The following HHLA1 variants were observed in gnomAD, a reference collection of about 807,000 sequenced individuals.
HHLA1 encodes the protein HERV-H LTR-associating protein 1.
A neutral mutation model predicts 69.9 loss-of-function variants in HHLA1; 72 were observed. The observed-to-expected ratio is 1.03, with a 90% CI of 0.85 to 1.25. The LOEUF (loss-of-function observed/expected upper bound fraction) is 1.25. HHLA1 is among the 50% of genes most tolerant of loss of function. HHLA1 has a pLI of 0.00. For missense variants in HHLA1, 685 were observed against 642.2 expected (o/e 1.07, Z -0.72); for synonymous variants, 252 against 233.2 (o/e 1.08, Z -0.73).
At chr8:132,105,982 G>T (rs975617452) in intron 1 of HHLA1, among the ~76,000 whole-genome samples, 3 of 152,182 alleles carry the variant, frequency 2.0e-5, no homozygotes, top group African/African-American at 7.2e-5. Context: ...GATAGTTACA[G>T]TTGCAAAGCT....
chr8:132,106,524 A>T (rs1157034117), intron 1 of HHLA1, among the ~76,000 whole-genome samples: 1 of 152,226 alleles, frequency 6.6e-6, no homozygotes, highest in Non-Finnish European at 1.5e-5. Context: ...CCTCATCTGC[A>T]AAACAGTTAA....
intron 14 of HHLA1, among the ~76,000 whole-genome samples, chr8:132,074,552 A>T (rs961089891): frequency 6.6e-6 from 1 of 152,208 alleles, no homozygotes; most frequent in African/African-American, 2.4e-5. Flanking sequence ...GAGCCCAATA[A>T]ATATTTATTA....
At chr8:132,090,369 G>A (rs1368644950) in intron 7 of HHLA1, among the ~76,000 whole-genome samples, 1 of 152,166 alleles carries the variant, frequency 6.6e-6, no homozygotes, top group Non-Finnish European at 1.5e-5. Flanking sequence ...TTCTAAACAA[G>A]GCGAATGTGT....
chr8:132,094,989 A>G (rs1024531476), intron 7 of HHLA1, among the ~76,000 whole-genome samples: 3 of 152,184 alleles, frequency 2.0e-5, no homozygotes, highest in African/African-American at 7.2e-5. Flanking sequence ...TCTCCTTGGG[A>G]AAAAAAAGTT....
At position 132,095,617 on chromosome 8, in the gene HHLA1, G is replaced by A. The variant is rs938037058; in HGVS notation, c.365-15C>T. The stretch of plus-strand genomic sequence containing the variant: ...CAGGTTAGAAACTGTGAAGAGAAAG[G>A]ATTCAACAGAGATCCTAACACACAG... On this transcript the variant is annotated splice_polypyrimidine_tract_variant and intron_variant, in intron 6 of 16. Transcript: ENST00000414222. 5.2e-6 allele frequency: 8 copies of A among 1,537,050 alleles called. No homozygotes were observed. The highest frequency in any genetic ancestry group is 7.1e-6 in the Non-Finnish European group (8 of 1,133,740).
At chr8:132,065,561 C>A (rs535705498) in intron 16 of HHLA1, among the ~76,000 whole-genome samples, 2 of 152,206 alleles carry the variant, frequency 1.3e-5, no homozygotes, top group African/African-American at 4.8e-5. Flanking sequence ...GGATTACAGG[C>A]GTGAGCCACC....
intron 14 of HHLA1, among the ~76,000 whole-genome samples, chr8:132,073,919 A>G (rs1823591044): frequency 6.6e-6 from 1 of 152,134 alleles, no homozygotes; most frequent in African/African-American, 2.4e-5. Flanking sequence ...TCATTAGCAC[A>G]ACAGTCACCT....
At chr8:132,101,065 G>C in intron 3 of HHLA1, 1 of 1,188,614 alleles carries the variant, frequency 8.4e-7, no homozygotes. Flanking sequence ...AAAAAAGCTA[G>C]TATCACATGT....
chr8:132,088,924 C>A (rs1435400641), intron 8 of HHLA1, among the ~76,000 whole-genome samples: 2 of 152,228 alleles, frequency 1.3e-5, no homozygotes, highest in Non-Finnish European at 2.9e-5. Context: ...GTTACTATTT[C>A]TCTTTCTCCC....
chr8:132,070,655 A>G (rs1823517873), intron 15 of HHLA1, among the ~76,000 whole-genome samples: 1 of 151,386 alleles, frequency 6.6e-6, no homozygotes, highest in Non-Finnish European at 1.5e-5. Context: ...CCTCAACTCA[A>G]CTCATCTCAT....
intron 10 of HHLA1, among the ~76,000 whole-genome samples, chr8:132,083,977 T>C (rs1304957003): frequency 6.6e-6 from 1 of 150,972 alleles, no homozygotes; most frequent in East Asian, 1.9e-4. Flanking sequence ...TTTTGACCTT[T>C]TAGGGTCTAG....
At position 132,068,277 on chromosome 8, in the gene HHLA1, A is replaced by T. The variant is rs115314779; in HGVS notation, c.1470-2309T>A. 9.6e-3 allele frequency among the ~76,000 whole-genome samples: 1,459 copies of T among 152,304 alleles called. 23 individuals carry two copies. The highest frequency in any genetic ancestry group is 0.029 in the African/African-American group (1,224 of 41,574). On this transcript the variant is annotated intron_variant, in intron 15 of 16. Coordinates refer to ENST00000414222, the MANE Select transcript of HHLA1 (RefSeq NM_001145095.3). ...CATTCTGTGCCTGAATTCACTTTGAAAGTGTACACCGCTCTCAGGATGAAT... is the reference window on the plus strand; with the variant it reads ...CATTCTGTGCCTGAATTCACTTTGATAGTGTACACCGCTCTCAGGATGAAT...
At chr8:132,067,203 C>T (rs918905392) in intron 15 of HHLA1, among the ~76,000 whole-genome samples, 1 of 152,236 alleles carries the variant, frequency 6.6e-6, no homozygotes, top group Non-Finnish European at 1.5e-5. Context: ...GAAATAGAGC[C>T]GCTCCTGGAA....
chr8:132,066,637 T>A (rs1007625364), intron 15 of HHLA1, among the ~76,000 whole-genome samples: 3 of 152,188 alleles, frequency 2.0e-5, no homozygotes, highest in Non-Finnish European at 2.9e-5. Flanking sequence ...TCACCTGATA[T>A]TTGAGGAGGT....
chr8:132,094,848 C>T (rs186972061), intron 7 of HHLA1, among the ~76,000 whole-genome samples: 12 of 152,296 alleles, frequency 7.9e-5, no homozygotes, highest in South Asian at 2.1e-4. Context: ...TCATAGTGCA[C>T]GCTCAGATGG....
chr8:132,082,443 G>A (rs899056147), intron 10 of HHLA1, among the ~76,000 whole-genome samples: 2 of 152,158 alleles, frequency 1.3e-5, no homozygotes, highest in Non-Finnish European at 2.9e-5. Context: ...AGGAAAGAAA[G>A]GAGTTGTTGT....
intron 7 of HHLA1, among the ~76,000 whole-genome samples, chr8:132,094,471 A>C (rs1036188614): frequency 3.3e-5 from 5 of 152,132 alleles, no homozygotes; most frequent in African/African-American, 9.7e-5. Flanking sequence ...GTCCTGGCTA[A>C]CCTGCTCCAG....
At chr8:132,098,793 T>C (rs1036172609) in intron 5 of HHLA1, 89 bp downstream of exon 5, 25 of 757,462 alleles carry the variant, frequency 3.3e-5, no homozygotes, top group Admixed American at 9.6e-5. Flanking sequence ...AGAAGTGAAG[T>C]GTCTTGTCAA....
intron 3 of HHLA1, chr8:132,101,286 T>C (rs746970518): frequency 6.5e-7 from 1 of 1,549,700 alleles, no homozygotes; most frequent in Middle Eastern, 1.7e-4. Context: ...GAAATAAAAG[T>C]TTTCATGAAT....
Sources: allele counts gnomAD v4.1 joint callset (sites outside exome capture counted in the v4.1 genomes callset), GRCh38; gene constraint gnomAD v4.1.1; transcripts MANE v1.5; gene names NCBI Gene and HGNC (gene_info 2026-07-23, HGNC 2026-07-21).